The following PLEKHA5 variants were observed in gnomAD, a reference collection of about 807,000 sequenced individuals.
PLEKHA5 encodes pleckstrin homology domain containing A5.
A neutral mutation model predicts 181.9 loss-of-function variants in PLEKHA5; 55 were observed. The observed-to-expected ratio is 0.30, with a 90% CI of 0.24 to 0.38. The LOEUF is 0.38. Among genes scored for constraint, PLEKHA5 ranks in the 10% least tolerant of loss-of-function variants. The pLI is 1.00. For missense variants in PLEKHA5, 1,432 were observed against 1,549.5 expected (o/e 0.92, Z 1.27); for synonymous variants, 535 against 529.4 (o/e 1.01, Z -0.15).
At chr12:19,334,460 A>C (rs541514217) in intron 20 of PLEKHA5, among the ~76,000 whole-genome samples, 1 of 152,174 alleles carries the variant, frequency 6.6e-6, no homozygotes, top group Non-Finnish European at 1.5e-5. Flanking sequence ...ATGCCTCTGC[A>C]GTGCAGTTAA....
chr12:19,322,415 A>G lies in PLEKHA5; in HGVS notation c.2298+25A>G, dbSNP rs543143006. On this transcript the variant is annotated intron_variant, in intron 19 of 31. Coordinates refer to ENST00000429027, the MANE Select transcript of PLEKHA5 (RefSeq NM_001256470.2). The stretch of plus-strand genomic sequence containing the variant: ...AGTAGGACAATTATGTTTATTGTCT[A>G]CAATTGATGTTACTTAATATGATTA... 3.4e-5 allele frequency: 54 copies of G among 1,578,620 alleles called. No individual in the cohort carries two copies. In the South Asian group the frequency reaches 4.9e-4, roughly 14 times the overall value.
At chr12:19,254,257 G>A (rs1201644104) in intron 4 of PLEKHA5, among the ~76,000 whole-genome samples, 1 of 152,032 alleles carries the variant, frequency 6.6e-6, no homozygotes, top group African/African-American at 2.4e-5. Flanking sequence ...GTAAGCTCAA[G>A]AACCCGGGAT....
chr12:19,157,097 T>TACACACACACACAC (rs3056384), intron 3 of PLEKHA5, among the ~76,000 whole-genome samples: 7,851 of 143,150 alleles, frequency 0.055, 311 homozygotes, highest in Admixed American at 0.14. Context: ...TATATGTACA[T>TACACACACACACAC]ACACACACAC....
intron 15 of PLEKHA5, among the ~76,000 whole-genome samples, chr12:19,294,932 A>G (rs1565579112): frequency 6.6e-6 from 1 of 152,130 alleles, no homozygotes; most frequent in African/African-American, 2.4e-5. Flanking sequence ...ATAACAATAG[A>G]TATACTAATT....
chr12:19,218,515 A>C (rs1327570775), intron 3 of PLEKHA5, among the ~76,000 whole-genome samples: 1 of 152,218 alleles, frequency 6.6e-6, no homozygotes, highest in East Asian at 1.9e-4. Flanking sequence ...CCTAAATTTC[A>C]TTAGATACAA....
At chr12:19,270,127 C>T (rs978316661) in intron 9 of PLEKHA5, 61 bp from the exon 10 acceptor site, 32 of 979,918 alleles carry the variant, frequency 3.3e-5, no homozygotes, top group African/African-American at 6.6e-5. Context: ...TTTCACCTAT[C>T]GGTGTACTGG....
chr12:19,245,478 G>C (rs1020763843), intron 3 of PLEKHA5, among the ~76,000 whole-genome samples: 1 of 151,884 alleles, frequency 6.6e-6, no homozygotes, highest in African/African-American at 2.4e-5. Flanking sequence ...AGATGGCCAG[G>C]GAGATTTTGG....
chr12:19,195,759 A>G (rs2052554558), intron 3 of PLEKHA5, among the ~76,000 whole-genome samples: 1 of 151,804 alleles, frequency 6.6e-6, no homozygotes, highest in Non-Finnish European at 1.5e-5. Flanking sequence ...TTTTAGGTAT[A>G]TATCTATGAG....
intron 29 of PLEKHA5, among the ~76,000 whole-genome samples, chr12:19,364,457 G>A (rs1415156420): frequency 6.6e-6 from 1 of 151,846 alleles, no homozygotes; most frequent in African/African-American, 2.4e-5. Context: ...GTCTCAGTGA[G>A]CCGAGATCCC....
chr12:19,251,067 G>A (rs530672680), intron 3 of PLEKHA5, among the ~76,000 whole-genome samples: 1 of 152,256 alleles, frequency 6.6e-6, no homozygotes. Flanking sequence ...GTTTCAGCAT[G>A]TGAATTATTG....
intron 15 of PLEKHA5, among the ~76,000 whole-genome samples, chr12:19,300,479 T>C (rs2081174792): frequency 6.6e-6 from 1 of 152,214 alleles, no homozygotes; most frequent in Admixed American, 6.5e-5. Context: ...TATACCAGGC[T>C]TTGCTTCTGT....
intron 6 of PLEKHA5, among the ~76,000 whole-genome samples, chr12:19,258,223 C>T (rs148606956): frequency 6.6e-6 from 1 of 152,200 alleles, no homozygotes; most frequent in Non-Finnish European, 1.5e-5. Context: ...TGGATTTTGA[C>T]ATCATTTCGA....
intron 3 of PLEKHA5, chr12:19,154,263 T>C (rs1192476920): frequency 6.6e-6 from 1 of 152,186 alleles, no homozygotes; most frequent in African/African-American, 2.4e-5. Flanking sequence ...TGGGTGTATC[T>C]TTTTAAAATA....
At chr12:19,152,549 T>G (rs11837801) in intron 3 of PLEKHA5, 58 of 152,346 alleles carry the variant, frequency 3.8e-4, no homozygotes, top group Non-Finnish European at 4.4e-5. Context: ...TCAGTTTGTT[T>G]TATGCAGGTA....
chr12:19,244,543 G>A (rs555339027), intron 3 of PLEKHA5, among the ~76,000 whole-genome samples: 175 of 152,348 alleles, frequency 1.1e-3, no homozygotes, highest in African/African-American at 4.0e-3. Context: ...GTTGCCAGGA[G>A]TGGCAGAAGA....
intron 3 of PLEKHA5, among the ~76,000 whole-genome samples, chr12:19,161,709 T>C (rs780172274): frequency 5.9e-5 from 9 of 152,332 alleles, no homozygotes; most frequent in East Asian, 1.9e-4. Flanking sequence ...CTAAAGTGTG[T>C]TGGCCATTCT....
intron 6 of PLEKHA5, among the ~76,000 whole-genome samples, chr12:19,258,124 T>C (rs2067346831): frequency 6.6e-6 from 1 of 152,132 alleles, no homozygotes; most frequent in Non-Finnish European, 1.5e-5. Context: ...TGGTTGATAT[T>C]GCTGCACTGA....
chr12:19,245,724 A>G (rs1360338508), intron 3 of PLEKHA5, among the ~76,000 whole-genome samples: 1 of 7,990 alleles, frequency 1.3e-4, no homozygotes, highest in Admixed American at 2.7e-3. Context: ...TGAGACTGTC[A>G]AAAAAAAAAA....
rs560495898 is a variant in PLEKHA5 at position 19,129,786 on chromosome 12, G to C, written c.-14G>C. 1 of 1,586,774 alleles carries C rather than the reference G, an allele frequency of 6.3e-7. No individual in the cohort carries two copies. The highest frequency in any genetic ancestry group is 1.1e-5 in the South Asian group (1 of 89,248). ...GCAGCAGGAGAAGGCGGCGGCGGCG[G>C]CTAGGGATCAGACATGGCGGCGGAT... On this transcript the variant is annotated 5_prime_UTR_variant, in exon 1 of 32. Transcript: ENST00000429027.
Sources: gnomAD v4.1 joint callset for allele counts (sites outside exome capture counted in the v4.1 genomes callset) on GRCh38, gnomAD v4.1.1 for gene constraint, MANE v1.5 for transcripts, NCBI Gene and HGNC (gene_info 2026-07-23, HGNC 2026-07-21) for gene names.